The following RAB11FIP5 variants were observed in gnomAD, a reference collection of about 807,000 sequenced individuals.
The protein encoded by RAB11FIP5 is RAB11 family interacting protein 5.
A neutral mutation model predicts 85.1 loss-of-function variants in RAB11FIP5; 48 were observed. That is an observed-to-expected ratio of 0.56 (90% CI 0.45 to 0.72). The LOEUF is 0.72. RAB11FIP5 is among the 30% of genes least tolerant of loss of function. RAB11FIP5 has a pLI of 0.00. For synonymous variants in RAB11FIP5, 729 were observed against 727.3 expected, an observed-to-expected ratio of 1.00 and a Z score of -0.04; for missense variants, 1,491 against 1,687.0, an observed-to-expected ratio of 0.88 and a Z score of 2.04.
intron 1 of RAB11FIP5, among the ~76,000 whole-genome samples, chr2:73,110,319 C>T (rs920095552): frequency 2.6e-5 from 4 of 152,236 alleles, no homozygotes; most frequent in Non-Finnish European, 4.4e-5. Flanking sequence ...CAGGAAATAC[C>T]ACCAGGAATG....
chr2:73,099,103 G>A (rs1684381837), intron 1 of RAB11FIP5, among the ~76,000 whole-genome samples: 1 of 143,188 alleles, frequency 7.0e-6, no homozygotes, highest in Non-Finnish European at 1.5e-5. Context: ...AGGCTGGAGT[G>A]CAATGGCACA....
chr2:73,102,220 C>G (rs924182412), intron 1 of RAB11FIP5, among the ~76,000 whole-genome samples: 1 of 151,998 alleles, frequency 6.6e-6, no homozygotes, highest in African/African-American at 2.4e-5. Flanking sequence ...CACTAAGGAG[C>G]CATAATTGTA....
chr2:73,103,978 C>T (rs1431054088), intron 1 of RAB11FIP5, among the ~76,000 whole-genome samples: 3 of 152,178 alleles, frequency 2.0e-5, no homozygotes, highest in Non-Finnish European at 4.4e-5. Context: ...GCGATGGTCC[C>T]CTCTGCCAAG....
Position 73,112,898 on chromosome 2 carries a change from T to C in RAB11FIP5, c.-121A>G. Reference sequence around the variant, plus strand: ...TCTGAGCGCCGCCGCAGCTGCGGGCTGGGCTGGGCCGGGCCGACCGGCCGC... The same window carrying C: ...TCTGAGCGCCGCCGCAGCTGCGGGCCGGGCTGGGCCGGGCCGACCGGCCGC... On this transcript the variant is annotated 5_prime_UTR_variant, in exon 1 of 6. Coordinates refer to ENST00000486777, the MANE Select transcript of RAB11FIP5 (RefSeq NM_001371272.1). 2.1e-6 allele frequency: 2 copies of C among 972,142 alleles called. No individual in the cohort carries two copies. Among genetic ancestry groups the C allele is most frequent in the Non-Finnish European group, 2.7e-6 (2 of 750,050 alleles). The allele number at this position is 972,142 out of a possible 1,614,324, so 60.2% of individuals were successfully genotyped here. A position where few individuals can be genotyped will look rare whatever the true frequency, so the allele number is the denominator to read the frequency against.
chr2:73,081,521 GGGAGGC>G lies in RAB11FIP5; in HGVS notation c.1705_1710del (p.Ala569_Ser570del). 8.1e-7 allele frequency: 1 copy of G among 1,227,104 alleles called. No individual in the cohort carries two copies. The highest frequency in any genetic ancestry group is 1.0e-6 in the Non-Finnish European group (1 of 982,830). The allele number at this position is 1,227,104 out of a possible 1,614,324, so 76.0% of individuals were successfully genotyped here. On this transcript the variant is annotated inframe_deletion, in exon 4 of 6. Coordinates refer to ENST00000486777, the MANE Select transcript of RAB11FIP5 (RefSeq NM_001371272.1). This position sits in a 1 kb window ranked among gnomAD's most constrained non-coding sequence, Gnocchi z 4.2. ...GCAGCGGCAGCAGTGGCAGCAGCGG[GGGAGGC>G]GGCTGCAAAAAGGTTAGTGCTTAGC...
chr2:73,109,358 C>T (rs1034751702), intron 1 of RAB11FIP5, among the ~76,000 whole-genome samples: 2 of 152,174 alleles, frequency 1.3e-5, no homozygotes, highest in Non-Finnish European at 2.9e-5. Context: ...GTCACCACCA[C>T]GCTAATATTT....
intron 3 of RAB11FIP5, among the ~76,000 whole-genome samples, chr2:73,085,818 G>A (rs1339132180): frequency 1.3e-5 from 2 of 152,172 alleles, no homozygotes; most frequent in African/African-American, 4.8e-5. Context: ...ACTAGAGGGC[G>A]CCGCTGTTCT....
rs868203235 is a variant in RAB11FIP5 at position 73,088,641 on chromosome 2, C to T, written c.977G>A (p.Gly326Asp). Residue 326 changes from glycine to aspartate, a missense_variant, in exon 3 of 6, where the codon GGC (glycine) becomes GAC (aspartate). By Grantham distance (94) the Gly-to-Asp change is moderately conservative. This residue lies in a region of RAB11FIP5 where 1,211 missense variants were observed against 1,338.0 expected (regional missense o/e 0.91). Transcript: ENST00000486777. ...AGAGCGGGAGGCAGCATCCAGGTGG[C>T]CCTGAAGGTCCAGAAGGGCCCGAGG... ...APPRALLDLQ[G>D]HLDAASRSSL... 9.9e-6 allele frequency: 16 copies of T among 1,613,140 alleles called. No homozygotes were observed. In the Admixed American group the frequency reaches 2.5e-4, roughly 25 times the overall value.
chr2:73,088,904 A>G lies in RAB11FIP5; in HGVS notation c.843T>C (p.Arg281=). Residue 281 remains arginine, a synonymous_variant, in exon 2 of 6, where the codon CGT becomes CGC. Coordinates refer to ENST00000486777, the MANE Select transcript of RAB11FIP5 (RefSeq NM_001371272.1). ...CCCCTTCAGTGGACAGCCAGCTGCT[A>G]CGGCTTGGTGAGCGGGTGAGGAGTT... ...GAELLTRSPS[R]SSWLSTEGGR... is the part of the protein sequence containing the mutation. 1 of 1,585,320 alleles carries G rather than the reference A, an allele frequency of 6.3e-7. No homozygotes were observed. Among genetic ancestry groups the G allele is most frequent in the Non-Finnish European group, 8.6e-7 (1 of 1,165,478 alleles).
intron 1 of RAB11FIP5, among the ~76,000 whole-genome samples, chr2:73,090,834 T>C (rs990863260): frequency 6.6e-6 from 1 of 152,228 alleles, no homozygotes; most frequent in African/African-American, 2.4e-5. Context: ...TGCATTGTTA[T>C]ACACCCACAG....
chr2:73,110,667 A>G (rs766478891), intron 1 of RAB11FIP5, among the ~76,000 whole-genome samples: 1 of 152,228 alleles, frequency 6.6e-6, no homozygotes, highest in Non-Finnish European at 1.5e-5. Context: ...ACCTGGACCT[A>G]CAAGCTTGGC....
Position 73,074,999 on chromosome 2 carries a change from G to A in RAB11FIP5, c.*522C>T. On this transcript the variant is annotated 3_prime_UTR_variant, in exon 6 of 6. Coordinates refer to ENST00000486777, the MANE Select transcript of RAB11FIP5 (RefSeq NM_001371272.1). ...AGGCTTCTTGCTCTCAGGGGAATGG[G>A]TGTGAGGCTGAAGAGGCTGGTTGCC... 2.8e-6 allele frequency: 1 copy of A among 356,016 alleles called. No individual in the cohort carries two copies. The allele number at this position is 356,016 out of a possible 1,614,324, so 22.1% of individuals were successfully genotyped here.
chr2:73,101,763 G>C (rs1266442984), intron 1 of RAB11FIP5, among the ~76,000 whole-genome samples: 1 of 152,090 alleles, frequency 6.6e-6, no homozygotes, highest in African/African-American at 2.4e-5. Flanking sequence ...CACCGCACAG[G>C]GGCTGACAGC....
At chr2:73,098,124 T>C (rs1684358487) in intron 1 of RAB11FIP5, among the ~76,000 whole-genome samples, 1 of 152,190 alleles carries the variant, frequency 6.6e-6, no homozygotes, top group Non-Finnish European at 1.5e-5. Context: ...GCCCACCACG[T>C]GCTGGCTGTG....
At position 73,075,534 on chromosome 2, in the gene RAB11FIP5, C is replaced by G. The variant is rs745917151; in HGVS notation, c.3962G>C (p.Gly1321Ala). 2.5e-6 allele frequency: 4 copies of G among 1,614,032 alleles called. No individual in the cohort carries two copies. Among genetic ancestry groups the G allele is most frequent in the Non-Finnish European group, 2.5e-6 (3 of 1,179,952 alleles). ...TSPTLLQIPP[G>A]PPK ...GGGTGAGGAAGGCTATTTGGGGGGG[C>G]CCGGGGGGATCTGCAGCAGCGTGGG... Residue 1321 changes from glycine (G) to alanine (A), a missense_variant, in exon 6 of 6, where the codon GGC becomes GCC. Physicochemically the swap from Gly to Ala is moderately conservative, Grantham distance 60. Around this residue, in one of 3 missense-constraint regions of RAB11FIP5, gnomAD observed 232 missense variants for 259.1 expected, o/e 0.90. Coordinates refer to ENST00000486777, the MANE Select transcript of RAB11FIP5 (RefSeq NM_001371272.1). This position sits in a 1 kb window ranked among gnomAD's most constrained non-coding sequence, Gnocchi z 4.6.
chr2:73,075,913 GC>G lies in RAB11FIP5; in HGVS notation c.3771+79del. 2 of 1,528,188 alleles carry G rather than the reference GC, an allele frequency of 1.3e-6. No homozygotes were observed. Among genetic ancestry groups the G allele is most frequent in the African/African-American group, 2.7e-5 (2 of 73,108 alleles). The allele number at this position is 1,528,188 out of a possible 1,614,324, so 94.7% of individuals were successfully genotyped here. A position where few individuals can be genotyped will look rare whatever the true frequency, so the allele number is the denominator to read the frequency against. ...ATATGGGGGACCTGGCCTGCTCCCTGCCCCACCCTCACCAGGACCAAGCCCT... is the reference window on the plus strand; with the variant it reads ...ATATGGGGGACCTGGCCTGCTCCCTGCCCACCCTCACCAGGACCAAGCCCT... On this transcript the variant is annotated intron_variant, in intron 5 of 5. Transcript: ENST00000486777. This position sits in a 1 kb window ranked among gnomAD's most constrained non-coding sequence, Gnocchi z 4.6.
At chr2:73,092,540 G>A (rs868728418) in intron 1 of RAB11FIP5, among the ~76,000 whole-genome samples, 5 of 152,150 alleles carry the variant, frequency 3.3e-5, no homozygotes, top group East Asian at 1.9e-4. Flanking sequence ...AAAATGGGCC[G>A]TGCTCCTCTG....
rs1041633605 is a variant in RAB11FIP5 at position 73,082,231 on chromosome 2, G to A, written c.1569-568C>T. ...TCACCATGTTGGCCAGGCTGGTCTC[G>A]AACTCCTGGCCTCGTGATCTGCCCA... On this transcript the variant is annotated intron_variant, in intron 3 of 5. Coordinates refer to ENST00000486777, the MANE Select transcript of RAB11FIP5 (RefSeq NM_001371272.1). Among the ~76,000 whole-genome samples, 8 of 151,984 alleles carry A rather than the reference G, an allele frequency of 5.3e-5. No individual in the cohort carries two copies. The South Asian group carries it at 8.3e-4, about 16-fold the overall frequency.
rs1357988335 is a variant in RAB11FIP5, at chr2:73,088,488, T to C, written c.1130A>G (p.Glu377Gly). The change falls in exon 3 of 6, where the codon GAG becomes GGG. Residue 377 changes from glutamate to glycine, a missense_variant. By Grantham distance (98) the Glu-to-Gly change is moderately conservative. Coordinates refer to ENST00000486777, the MANE Select transcript of RAB11FIP5 (RefSeq NM_001371272.1). ...SLQAVSSRFS[E>G]EGPRSTDDTW... Reference sequence around the variant, plus strand: ...GTCATCTGTGGAACGAGGCCCCTCCTCGGAGAACCGGGAAGAGACAGCTTG... The same window carrying C: ...GTCATCTGTGGAACGAGGCCCCTCCCCGGAGAACCGGGAAGAGACAGCTTG... 2.5e-6 allele frequency: 4 copies of C among 1,613,968 alleles called. No homozygotes were observed. Among genetic ancestry groups the C allele is most frequent in the Non-Finnish European group, 3.4e-6 (4 of 1,180,036 alleles).
Sources: gnomAD v4.1 joint callset for allele counts (sites outside exome capture counted in the v4.1 genomes callset) on GRCh38, gnomAD v4.1.1 for gene constraint, gnomAD v4.1.1 regional missense constraint, Gnocchi (gnomAD v3.1) non-coding constraint, MANE v1.5 for transcripts, NCBI Gene and HGNC (gene_info 2026-07-23, HGNC 2026-07-21) for gene names.